ATP9B: variants seen among roughly 807,000 people sequenced by gnomAD.
ATP9B encodes ATPase phospholipid transporting 9B, also known as probable phospholipid-transporting ATPase IIB.
A neutral mutation model predicts 146.1 loss-of-function variants in ATP9B; 110 were observed. The observed-to-expected ratio is 0.75, with a 90% CI of 0.65 to 0.88. The LOEUF is 0.88. Among genes scored for constraint, ATP9B ranks in the 40% least tolerant of loss-of-function variants. ATP9B has a pLI of 0.00. For missense variants in ATP9B, 1,499 were observed against 1,496.4 expected (o/e 1.00, Z -0.03); for synonymous variants, 604 against 569.7 (o/e 1.06, Z -0.86).
At chr18:79,361,459 G>A (rs1049696975) in intron 26 of ATP9B, 3 of 151,462 alleles carry the variant, frequency 2.0e-5, no homozygotes, top group East Asian at 3.9e-4. Flanking sequence ...TTCCGTTTTC[G>A]TTAAGGTGAG....
intron 12 of ATP9B, among the ~76,000 whole-genome samples, chr18:79,256,256 G>GATAT (rs2096075881): frequency 7.2e-5 from 3 of 41,822 alleles, no homozygotes; most frequent in Non-Finnish European, 4.6e-5. Flanking sequence ...ATTCTAGCTA[G>GATAT]CTATATATAT....
At chr18:79,320,693 A>G (rs1050823068) in intron 15 of ATP9B, among the ~76,000 whole-genome samples, 1 of 151,484 alleles carries the variant, frequency 6.6e-6, no homozygotes, top group Non-Finnish European at 1.5e-5. Context: ...GCCATGCAGA[A>G]CTCCCACCCC....
At chr18:79,211,806 A>T (rs972640206) in intron 10 of ATP9B, among the ~76,000 whole-genome samples, 6 of 152,180 alleles carry the variant, frequency 3.9e-5, no homozygotes, top group Non-Finnish European at 1.5e-5. Flanking sequence ...ATGGTCCTGA[A>T]CTCAGGTCTT....
intron 13 of ATP9B, among the ~76,000 whole-genome samples, chr18:79,284,019 A>G (rs1291602354): frequency 6.6e-6 from 1 of 152,224 alleles, no homozygotes; most frequent in African/African-American, 2.4e-5. Context: ...CAGGTTTTTT[A>G]GGACTCACAT....
intron 2 of ATP9B, among the ~76,000 whole-genome samples, chr18:79,098,044 T>C (rs562795802): frequency 1.6e-4 from 24 of 152,004 alleles, no homozygotes; most frequent in Admixed American, 1.4e-3. Context: ...AACAGAGATA[T>C]AGATCAATGG....
intron 9 of ATP9B, among the ~76,000 whole-genome samples, chr18:79,205,023 C>T (rs4076226): frequency 0.023 from 3,561 of 152,220 alleles, 123 homozygotes; most frequent in African/African-American, 0.073. Flanking sequence ...TCAGGTCAGG[C>T]GGTCGCCTTC....
chr18:79,140,488 G>T (rs973645518), intron 5 of ATP9B, among the ~76,000 whole-genome samples: 3 of 151,954 alleles, frequency 2.0e-5, no homozygotes, highest in Admixed American at 6.6e-5. Context: ...AGAACAGGTG[G>T]TTATGGCCAG....
At chr18:79,337,675 C>T (rs2096835235) in intron 19 of ATP9B, among the ~76,000 whole-genome samples, 2 of 152,342 alleles carry the variant, frequency 1.3e-5, no homozygotes, top group South Asian at 2.1e-4. Flanking sequence ...TACACCTCTT[C>T]CCTCTCTGGA....
chr18:79,200,330 G>A (rs565262131), intron 9 of ATP9B, among the ~76,000 whole-genome samples: 33 of 152,284 alleles, frequency 2.2e-4, no homozygotes, highest in African/African-American at 7.9e-4. Flanking sequence ...AGAACTTCAA[G>A]GAGAAACTGA....
intron 10 of ATP9B, among the ~76,000 whole-genome samples, chr18:79,212,331 T>C (rs2095592022): frequency 2.0e-5 from 3 of 152,210 alleles, no homozygotes; most frequent in Admixed American, 2.0e-4. Context: ...CCAGGACCTC[T>C]GTTAAAAATG....
chr18:79,247,287 T>C (rs766417782), intron 11 of ATP9B, among the ~76,000 whole-genome samples: 11 of 152,214 alleles, frequency 7.2e-5, no homozygotes, highest in Non-Finnish European at 1.6e-4. Context: ...GCATGAGTTT[T>C]GTAAGGGCGA....
At chr18:79,133,697 A>G (rs2094411571) in intron 5 of ATP9B, among the ~76,000 whole-genome samples, 1 of 152,244 alleles carries the variant, frequency 6.6e-6, no homozygotes, top group South Asian at 2.1e-4. Flanking sequence ...TCTTCATGAT[A>G]TATCAACTAC....
intron 12 of ATP9B, among the ~76,000 whole-genome samples, 180 bp from the exon 13 acceptor site, chr18:79,276,874 T>C (rs930575794): frequency 6.6e-6 from 1 of 152,264 alleles, no homozygotes; most frequent in Admixed American, 6.5e-5. Flanking sequence ...CCTGAATGTG[T>C]GGCCTGGGTC....
chr18:79,115,258 A>G (rs1179262158), intron 4 of ATP9B: 2 of 132,196 alleles, frequency 1.5e-5, no homozygotes, highest in Non-Finnish European at 3.1e-5. Context: ...CCACTGCTCA[A>G]GGAAATAAAA....
chr18:79,312,640 TG>T (rs1189874865), intron 15 of ATP9B, among the ~76,000 whole-genome samples: 2 of 152,180 alleles, frequency 1.3e-5, no homozygotes, highest in African/African-American at 4.8e-5. Flanking sequence ...CTTGGCTGTG[TG>T]GGAAGATGGT....
chr18:79,231,803 T>TATATATATATATACACAC (rs569726473), intron 11 of ATP9B, among the ~76,000 whole-genome samples: 1 of 114,762 alleles, frequency 8.7e-6, no homozygotes, highest in South Asian at 3.2e-4. Flanking sequence ...TATATATATA[T>TATATATATATATACACAC]ACACACACAC....
At chr18:79,238,504 A>C (rs55785100) in intron 11 of ATP9B, among the ~76,000 whole-genome samples, 3,497 of 152,112 alleles carry the variant, frequency 0.023, 123 homozygotes, top group African/African-American at 0.072. Flanking sequence ...TTGCTTCTCC[A>C]TTTCTGTGCC....
chr18:79,104,212 G>C (rs918079285), intron 2 of ATP9B, among the ~76,000 whole-genome samples: 10 of 152,176 alleles, frequency 6.6e-5, no homozygotes, highest in African/African-American at 2.2e-4. Flanking sequence ...TCACCATGGA[G>C]ATCATTGGGT....
intron 11 of ATP9B, among the ~76,000 whole-genome samples, chr18:79,249,880 T>C (rs2096006047): frequency 6.6e-6 from 1 of 152,230 alleles, no homozygotes; most frequent in Non-Finnish European, 1.5e-5. Context: ...AGCTTTACAC[T>C]ATATGCTGTA....
Sources: allele counts gnomAD v4.1 joint callset (sites outside exome capture counted in the v4.1 genomes callset), GRCh38; gene constraint gnomAD v4.1.1; transcripts MANE v1.5; gene names NCBI Gene and HGNC (gene_info 2026-07-23, HGNC 2026-07-21).